Variants in DCP2 observed in about 807,000 individuals in gnomAD.
DCP2 encodes decapping mRNA 2.
Under a neutral mutation model 56.1 loss-of-function variants are expected in DCP2, and 30 were observed. The observed-to-expected ratio is 0.53, with a 90% CI of 0.40 to 0.73. The LOEUF is 0.73. Among genes scored for constraint, DCP2 ranks in the 30% least tolerant of loss-of-function variants. The pLI, the probability that DCP2 is intolerant of heterozygous loss-of-function variation, is 0.00. For synonymous variants in DCP2, 197 were observed against 163.3 expected (o/e 1.21, Z -1.57); for missense variants, 533 against 502.7 (o/e 1.06, Z -0.58).
chr5:113,008,476 C>CTGAGT lies in DCP2; in HGVS notation c.1047+434_1047+435insTGAGT, dbSNP rs3068845. 4.1e-3 allele frequency among the ~76,000 whole-genome samples: 624 copies of CTGAGT among 151,508 alleles called. 4 individuals carry two copies. Among genetic ancestry groups the CTGAGT allele is most frequent in the African/African-American group, 0.014 (587 of 41,372 alleles). ...TTAGATTTTGCTTGATGACAAATAACAAAGCAGTTTTCTTTCATTCTTTTG... is the reference window on the plus strand; with the variant it reads ...TTAGATTTTGCTTGATGACAAATAACTGAGTAAAGCAGTTTTCTTTCATTCTTTTG... On this transcript the variant is annotated intron_variant, in intron 9 of 10. Coordinates refer to ENST00000389063, the MANE Select transcript of DCP2 (RefSeq NM_152624.6).
chr5:113,013,095 T>C (rs528726883), intron 10 of DCP2, among the ~76,000 whole-genome samples: 1 of 152,172 alleles, frequency 6.6e-6, no homozygotes, highest in Non-Finnish European at 1.5e-5. Context: ...TCTTAATGGC[T>C]GAGATTAAGA....
intron 4 of DCP2, among the ~76,000 whole-genome samples, chr5:112,998,741 G>C (rs572788847): frequency 1.3e-5 from 2 of 152,340 alleles, no homozygotes; most frequent in African/African-American, 4.8e-5. Context: ...TTCGATAAAT[G>C]TGTGTGCAGA....
intron 1 of DCP2, among the ~76,000 whole-genome samples, chr5:112,982,932 C>T (rs1748079336): frequency 1.3e-5 from 2 of 152,290 alleles, no homozygotes; most frequent in African/African-American, 4.8e-5. Context: ...TAATACGCTT[C>T]TCCTTTATGT....
At chr5:113,001,720 A>T (rs759112678) in intron 7 of DCP2, 46 bp downstream of exon 7, 2 of 1,537,830 alleles carry the variant, frequency 1.3e-6, no homozygotes, top group Non-Finnish European at 1.8e-6. Context: ...ATAGTTTTTA[A>T]AAGTGGAATA....
intron 9 of DCP2, among the ~76,000 whole-genome samples, chr5:113,009,383 CAT>C (rs1170172508): frequency 6.6e-6 from 1 of 152,126 alleles, no homozygotes; most frequent in African/African-American, 2.4e-5. Flanking sequence ...GACTGATAAA[CAT>C]ATCACAGTGT....
chr5:113,004,771 C>G (rs1749333356), intron 8 of DCP2, among the ~76,000 whole-genome samples: 2 of 150,866 alleles, frequency 1.3e-5, no homozygotes, highest in Admixed American at 1.3e-4. Context: ...TTTACTAATA[C>G]TTGATGTTAT....
rs865969951 is a variant in DCP2, at chr5:113,014,670, A to G, written c.*1186A>G. The G allele has an allele frequency of 5.4e-4, 82 of 152,788 alleles. No individual in the cohort carries two copies. Among genetic ancestry groups the G allele is most frequent in the African/African-American group, 1.9e-3 (80 of 41,584 alleles). 9.5% of individuals were successfully genotyped at this position (152,788 alleles called of 1,614,324 possible). ...AGGATTTCAGCTATAACTGAGGACA[A>G]TCACCAGGGCGTTAAGGGGGCTTTA... On this transcript the variant is annotated 3_prime_UTR_variant, in exon 11 of 11. Coordinates refer to ENST00000389063, the MANE Select transcript of DCP2 (RefSeq NM_152624.6).
intron 10 of DCP2, 45 bp from the exon 11 acceptor site, chr5:113,013,276 T>G: frequency 1.3e-6 from 2 of 1,569,002 alleles, no homozygotes; most frequent in Non-Finnish European, 1.7e-6. Context: ...TTTGATTTCT[T>G]ACTAAGGTTA....
rs1490362339 is a variant in DCP2, at chr5:113,016,341, A to T, written c.*2857A>T. ...TAGTGTGAGTGAAATTTGATTAAAGATGTTGGAAAATGAAGTTGGATTTTT... is the reference window on the plus strand; with the variant it reads ...TAGTGTGAGTGAAATTTGATTAAAGTTGTTGGAAAATGAAGTTGGATTTTT... On this transcript the variant is annotated 3_prime_UTR_variant, in exon 11 of 11. Coordinates refer to ENST00000389063, the MANE Select transcript of DCP2 (RefSeq NM_152624.6). 3.9e-5 allele frequency: 6 copies of T among 152,588 alleles called. No individual in the cohort carries two copies. Among genetic ancestry groups the T allele is most frequent in the Non-Finnish European group, 8.8e-5 (6 of 68,032 alleles). 9.5% of individuals were successfully genotyped at this position (152,588 alleles called of 1,614,324 possible). A position where few individuals can be genotyped will look rare whatever the true frequency, so the allele number is the denominator to read the frequency against.
chr5:113,001,328 T>A (rs889639685), intron 5 of DCP2, 29 bp from the exon 6 acceptor site: 1 of 1,598,004 alleles, frequency 6.3e-7, no homozygotes, highest in African/African-American at 1.4e-5. Context: ...AAAAATTAAC[T>A]AAATGAATTA....
chr5:113,013,924 G>A lies in DCP2; in HGVS notation c.*440G>A, dbSNP rs1749781397. ...ATTAAATGAACACAAGAGCTGAGAT[G>A]TCACATTCGTCAGCATTACAGGTGA... On this transcript the variant is annotated 3_prime_UTR_variant, in exon 11 of 11. Transcript: ENST00000389063. 1 of 153,834 alleles carries A rather than the reference G, an allele frequency of 6.5e-6. No individual in the cohort carries two copies. The highest frequency in any genetic ancestry group is 6.4e-5 in the Admixed American group (1 of 15,504). 9.5% of individuals were successfully genotyped at this position (153,834 alleles called of 1,614,324 possible).
intron 4 of DCP2, among the ~76,000 whole-genome samples, chr5:113,000,193 A>G (rs552675675): frequency 3.9e-5 from 6 of 152,264 alleles, no homozygotes; most frequent in African/African-American, 1.4e-4. Flanking sequence ...CCTGGGCTCA[A>G]GTGATCCTCC....
chr5:112,992,531 C>G, intron 3 of DCP2, 141 bp from the exon 4 acceptor site: 1 of 719,350 alleles, frequency 1.4e-6, no homozygotes, highest in African/African-American at 1.9e-5. Flanking sequence ...TTCAGACTCA[C>G]TGAAGATACT....
chr5:112,988,907 G>GT (rs1428546580), intron 2 of DCP2, among the ~76,000 whole-genome samples: 1 of 152,156 alleles, frequency 6.6e-6, no homozygotes, highest in African/African-American at 2.4e-5. Context: ...TTTTGTGTGT[G>GT]TTTGCACATG....
At position 113,017,742 on chromosome 5, in the gene DCP2, C is replaced by G. The variant is rs1749947103; in HGVS notation, c.*4258C>G. On this transcript the variant is annotated 3_prime_UTR_variant, in exon 11 of 11. Coordinates refer to ENST00000389063, the MANE Select transcript of DCP2 (RefSeq NM_152624.6). ...AAGAAAGAAACTTTAGAGCATTTATCAATACTTGAGTGCTTTATTATGTTC... is the reference window on the plus strand; with the variant it reads ...AAGAAAGAAACTTTAGAGCATTTATGAATACTTGAGTGCTTTATTATGTTC... 2 of 152,132 alleles carry G rather than the reference C, an allele frequency of 1.3e-5. No homozygotes were observed. The highest frequency in any genetic ancestry group is 4.1e-4 in the South Asian group (2 of 4,824). The allele number at this position is 152,132 out of a possible 1,614,324, so 9.4% of individuals were successfully genotyped here. A position where few individuals can be genotyped will look rare whatever the true frequency, so the allele number is the denominator to read the frequency against.
At chr5:112,992,325 G>GTTT in intron 3 of DCP2, 77 bp downstream of exon 3, 1 of 1,520,332 alleles carries the variant, frequency 6.6e-7, no homozygotes, top group Non-Finnish European at 8.8e-7. Context: ...TTGATGTAGT[G>GTTT]TTTCTAAATT....
intron 9 of DCP2, among the ~76,000 whole-genome samples, chr5:113,009,859 C>G (rs578210044): frequency 8.1e-4 from 123 of 151,466 alleles, no homozygotes; most frequent in African/African-American, 2.7e-3. Flanking sequence ...AGGAAATCAG[C>G]TAGAAAAATA....
intron 4 of DCP2, among the ~76,000 whole-genome samples, chr5:112,996,109 T>G (rs147896132): frequency 1.3e-5 from 2 of 152,194 alleles, no homozygotes; most frequent in Non-Finnish European, 2.9e-5. Context: ...CTTCAACATA[T>G]GAATTTTTTT....
At position 112,986,649 on chromosome 5, in the gene DCP2, A is replaced by G. The variant is rs987828554; in HGVS notation, c.205+663A>G. 2.6e-5 allele frequency among the ~76,000 whole-genome samples: 4 copies of G among 152,174 alleles called. No homozygotes were observed. The South Asian group carries it at 8.3e-4, about 32-fold the overall frequency. ...CGCTGTGCCCAGTGACATTTATTAA[A>G]TAATTATTGAATGTTTACTATGTTT... On this transcript the variant is annotated intron_variant, in intron 2 of 10. Transcript: ENST00000389063.
Sources: allele counts gnomAD v4.1 joint callset (sites outside exome capture counted in the v4.1 genomes callset), GRCh38; gene constraint gnomAD v4.1.1; transcripts MANE v1.5; gene names NCBI Gene and HGNC (gene_info 2026-07-23, HGNC 2026-07-21).